PIEZO2: variants seen among roughly 807,000 people sequenced by gnomAD.
PIEZO2 encodes piezo-type mechanosensitive ion channel component 2.
Under a neutral mutation model 337.3 loss-of-function variants are expected in PIEZO2, and 172 were observed. That is an observed-to-expected ratio of 0.51 (90% confidence interval 0.45 to 0.58). The LOEUF is 0.58. Ranked by LOEUF, PIEZO2 falls within the 20% of genes least tolerant of loss-of-function variation. The pLI is 0.00. For missense variants in PIEZO2, 3,028 were observed against 3,391.3 expected (o/e 0.89, Z 2.66); for synonymous variants, 1,251 against 1,228.5 (o/e 1.02, Z -0.38).
At chr18:10,811,469 T>C (rs1169922473) in intron 7 of PIEZO2, among the ~76,000 whole-genome samples, 2 of 152,162 alleles carry the variant, frequency 1.3e-5, no homozygotes, top group Non-Finnish European at 2.9e-5. Flanking sequence ...AAGTAGGTGA[T>C]CACGGTTATG....
In PIEZO2 at chr18:10,726,631, T is replaced by G. The variant is rs2036556476; in HGVS notation, c.5029+4776A>C. 7.2e-7 allele frequency: 1 copy of G among 1,379,922 alleles called. No homozygotes were observed. The highest frequency in any genetic ancestry group is 9.7e-7 in the Non-Finnish European group (1 of 1,026,044). The allele number at this position is 1,379,922 out of a possible 1,614,324, so 85.5% of individuals were successfully genotyped here. ...GCGGGACGCCGACGTGCGCTGGGAG[T>G]ACTGCGCGCGCGCCAAGCGCGGCCA... On this transcript the variant is annotated intron_variant, in intron 36 of 55. Coordinates refer to ENST00000674853, the MANE Select transcript of PIEZO2 (RefSeq NM_001378183.1). The surrounding 1 kb of genome is among the most constrained non-coding windows in gnomAD (Gnocchi z 5.9).
At position 10,857,060 on chromosome 18, in the gene PIEZO2, ATGAACTCCT is replaced by A; in HGVS notation, c.635_643del (p.Lys212_Phe214del). On this transcript the variant is annotated inframe_deletion, in exon 6 of 56. Coordinates refer to ENST00000674853, the MANE Select transcript of PIEZO2 (RefSeq NM_001378183.1). ...CCCAGCAGTGGTGATCATGTTGCCA[ATGAACTCCT>A]TGAGCTTAGAGGCCACAGAGGCAAG... 6.5e-7 allele frequency: 1 copy of A among 1,537,408 alleles called. No homozygotes were observed. Among genetic ancestry groups the A allele is most frequent in the Non-Finnish European group, 8.7e-7 (1 of 1,146,950 alleles).
At chr18:10,826,083 A>G (rs757566735) in intron 7 of PIEZO2, among the ~76,000 whole-genome samples, 31 of 152,068 alleles carry the variant, frequency 2.0e-4, no homozygotes, top group Non-Finnish European at 3.8e-4. Flanking sequence ...AAATTATTCC[A>G]TCTTTGACCA....
At chr18:11,040,983 T>C (rs1170197246) in intron 2 of PIEZO2, among the ~76,000 whole-genome samples, 1 of 152,210 alleles carries the variant, frequency 6.6e-6, no homozygotes, top group Non-Finnish European at 1.5e-5. Context: ...AAATGCCACA[T>C]TGAACTGTTT....
At chr18:10,800,656 T>C (rs1257773826) in intron 10 of PIEZO2, among the ~76,000 whole-genome samples, 181 bp from the exon 11 acceptor site, 1 of 152,246 alleles carries the variant, frequency 6.6e-6, no homozygotes, top group East Asian at 1.9e-4. Context: ...CCTCTCCAAC[T>C]CTAGTCTCCA....
In PIEZO2 at chr18:10,794,048, A is replaced by G. The variant is rs2039496747; in HGVS notation, c.1758+724T>C. Reference sequence around the variant, plus strand: ...CATGAAATGACCATCTCCTCCAAAGACACTAATTTCCAAGACCCATTCAAT... The same window carrying G: ...CATGAAATGACCATCTCCTCCAAAGGCACTAATTTCCAAGACCCATTCAAT... On this transcript the variant is annotated intron_variant, in intron 13 of 55. Coordinates refer to ENST00000674853, the MANE Select transcript of PIEZO2 (RefSeq NM_001378183.1). This position sits in a 1 kb window ranked among gnomAD's most constrained non-coding sequence, Gnocchi z 6.6. 6.6e-6 allele frequency among the ~76,000 whole-genome samples: 1 copy of G among 152,142 alleles called. No homozygotes were observed. The highest frequency in any genetic ancestry group is 1.5e-5 in the Non-Finnish European group (1 of 68,034).
At position 11,143,637 on chromosome 18, in the gene PIEZO2, A is replaced by ACTCT. The variant is rs1394949476; in HGVS notation, c.64+4887_64+4888insAGAG. 2.1e-5 allele frequency among the ~76,000 whole-genome samples: 2 copies of ACTCT among 93,348 alleles called. No individual in the cohort carries two copies. Among genetic ancestry groups the ACTCT allele is most frequent in the Non-Finnish European group, 3.9e-5 (2 of 51,716 alleles). The allele number at this position is 93,348 out of a possible 152,430, so 61.2% of individuals were successfully genotyped here. On this transcript the variant is annotated intron_variant, in intron 1 of 55. Transcript: ENST00000674853. This position sits in a 1 kb window ranked among gnomAD's most constrained non-coding sequence, Gnocchi z 4.9. ...CACACACACACACACACACACACAC[A>ACTCT]CACTCTCTCTCTCTCTCTCTCTCTC...
intron 35 of PIEZO2, among the ~76,000 whole-genome samples, chr18:10,732,403 T>G (rs1003459710): frequency 2.6e-5 from 4 of 152,346 alleles, no homozygotes; most frequent in African/African-American, 9.6e-5. Context: ...AACCCAGATC[T>G]GTTCATCTTA....
chr18:10,752,156 C>G (rs1298443340), intron 28 of PIEZO2, among the ~76,000 whole-genome samples: 1 of 152,164 alleles, frequency 6.6e-6, no homozygotes, highest in Non-Finnish European at 1.5e-5. Flanking sequence ...TAGCCCATTC[C>G]ACCTCATTCC....
At position 10,795,351 on chromosome 18, in the gene PIEZO2, A is replaced by ATTTTATT. The variant is rs1555648418; in HGVS notation, c.1528-350_1528-349insAATAAAA. Among the ~76,000 whole-genome samples, 23 of 20,514 alleles carry ATTTTATT rather than the reference A, an allele frequency of 1.1e-3. No individual in the cohort carries two copies. Among genetic ancestry groups the ATTTTATT allele is most frequent in the African/African-American group, 2.8e-3 (20 of 7,134 alleles). 13.5% of individuals were successfully genotyped at this position (20,514 alleles called of 152,430 possible). A position where few individuals can be genotyped will look rare whatever the true frequency, so the allele number is the denominator to read the frequency against. ...ATTTTATTTTATTTTATTTTATTTT[A>ATTTTATT]TTATTTTATTTTATTTTATTTTATT... On this transcript the variant is annotated intron_variant, in intron 12 of 55. Transcript: ENST00000674853. The surrounding 1 kb of genome is among the most constrained non-coding windows in gnomAD (Gnocchi z 4.4).
chr18:11,010,278 C>T (rs2035849545), intron 2 of PIEZO2, among the ~76,000 whole-genome samples: 1 of 152,198 alleles, frequency 6.6e-6, no homozygotes, highest in South Asian at 2.1e-4. Context: ...CATAATCACT[C>T]CATGCTTTGG....
At chr18:10,960,410 A>T (rs1354534667) in intron 3 of PIEZO2, among the ~76,000 whole-genome samples, 1 of 152,188 alleles carries the variant, frequency 6.6e-6, no homozygotes, top group East Asian at 1.9e-4. Flanking sequence ...AATTATTTTC[A>T]TTTAAACCCT....
intron 1 of PIEZO2, among the ~76,000 whole-genome samples, chr18:11,145,937 G>C (rs1000858837): frequency 6.6e-6 from 1 of 152,078 alleles, no homozygotes; most frequent in African/African-American, 2.4e-5. Context: ...CTTTTCCTAG[G>C]GCAGGGGAAA....
rs377231351 is a variant in PIEZO2, at chr18:11,127,354, C to T, written c.64+21171G>A. 4.6e-5 allele frequency among the ~76,000 whole-genome samples: 7 copies of T among 152,082 alleles called. No individual in the cohort carries two copies. The highest frequency in any genetic ancestry group is 8.8e-5 in the Non-Finnish European group (6 of 68,006). The stretch of plus-strand genomic sequence containing the variant: ...GTGAACTTGATTGGATTGAAGGATA[C>T]GATGTATTGATCCTGGGTGTGTCTG... On this transcript the variant is annotated intron_variant, in intron 1 of 55. Transcript: ENST00000674853. The surrounding 1 kb of genome is among the most constrained non-coding windows in gnomAD (Gnocchi z 4.5).
At chr18:10,768,067 AT>A (rs1017318741) in intron 21 of PIEZO2, among the ~76,000 whole-genome samples, 2 of 152,162 alleles carry the variant, frequency 1.3e-5, no homozygotes, top group Non-Finnish European at 2.9e-5. Flanking sequence ...TGTACAGTGG[AT>A]TTTTTTAAAA....
Position 10,847,262 on chromosome 18 carries a change from C to T in PIEZO2, c.917+8091G>A, listed in dbSNP as rs1238614055. Among the ~76,000 whole-genome samples, 2 of 152,206 alleles carry T rather than the reference C, an allele frequency of 1.3e-5. No homozygotes were observed. The highest frequency in any genetic ancestry group is 2.9e-5 in the Non-Finnish European group (2 of 68,036). ...CAGGTGACTGCAGGTGAGCTGCAAT[C>T]CTAGCTATGGACCCTTTAGAATGAG... On this transcript the variant is annotated intron_variant, in intron 7 of 55. Coordinates refer to ENST00000674853, the MANE Select transcript of PIEZO2 (RefSeq NM_001378183.1). The surrounding 1 kb of genome is among the most constrained non-coding windows in gnomAD (Gnocchi z 5.7).
At chr18:10,691,440 A>T (rs754808063) in intron 47 of PIEZO2, 57 bp from the exon 48 acceptor site, 10 of 1,543,522 alleles carry the variant, frequency 6.5e-6, no homozygotes, top group Non-Finnish European at 8.8e-6. Context: ...AAACAAAAGG[A>T]TGGCAGTGTC....
rs1384816864 is a variant in PIEZO2 at position 11,143,625 on chromosome 18, ACACACACACACACACTCTCTCT to A, written c.64+4878_64+4899del. ...AACACACACACACACACACACACAC[ACACACACACACACACTCTCTCT>A]CTCTCTCTCTCTCTCTCTCTCTCTC... On this transcript the variant is annotated intron_variant, in intron 1 of 55. Transcript: ENST00000674853. The surrounding 1 kb of genome is among the most constrained non-coding windows in gnomAD (Gnocchi z 4.9). Among the ~76,000 whole-genome samples, 18 of 140,962 alleles carry A rather than the reference ACACACACACACACACTCTCTCT, an allele frequency of 1.3e-4. No individual in the cohort carries two copies. The highest frequency in any genetic ancestry group is 3.9e-4 in the African/African-American group (14 of 35,828). 92.5% of individuals were successfully genotyped at this position (140,962 alleles called of 152,430 possible).
intron 4 of PIEZO2, among the ~76,000 whole-genome samples, chr18:10,898,116 T>C (rs2042950018): frequency 6.6e-6 from 1 of 152,244 alleles, no homozygotes; most frequent in African/African-American, 2.4e-5. Context: ...GAATACAGCA[T>C]TCCACCCTTG....
Sources: allele counts gnomAD v4.1 joint callset (sites outside exome capture counted in the v4.1 genomes callset), GRCh38; gene constraint gnomAD v4.1.1; non-coding constraint Gnocchi (gnomAD v3.1); transcripts MANE v1.5; gene names NCBI Gene and HGNC (gene_info 2026-07-23, HGNC 2026-07-21).